Variants in ADARB1 observed in about 807,000 individuals in gnomAD.
ADARB1 encodes double-stranded RNA-specific editase 1.
A neutral mutation model predicts 52.4 loss-of-function variants in ADARB1; 10 were observed. The observed-to-expected ratio is 0.19, with a 90% CI of 0.12 to 0.32. The LOEUF is 0.32. Ranked by LOEUF, ADARB1 falls within the 10% of genes least tolerant of loss-of-function variation. The probability of loss-of-function intolerance (pLI) is 1.00; values close to 1 mark genes in which losing one functional copy is unlikely to be tolerated. For synonymous variants in ADARB1, 349 were observed against 371.1 expected, an observed-to-expected ratio of 0.94 and a Z score of 0.68; for missense variants, 643 against 922.3, an observed-to-expected ratio of 0.70 and a Z score of 3.92.
chr21:45,145,252 CGGGG>C (rs992259722), intron 2 of ADARB1: 1 of 152,358 alleles, frequency 6.6e-6, no homozygotes, highest in South Asian at 2.1e-4. Flanking sequence ...GTTTCCTAGA[CGGGG>C]GGGCACTCGC....
At chr21:45,184,494 G>T (rs1231863608) in intron 7 of ADARB1, 27 of 264,090 alleles carry the variant, frequency 1.0e-4, no homozygotes, top group Non-Finnish European at 8.3e-5. Flanking sequence ...TTACACCCAG[G>T]CTGGAGTGCA....
intron 2 of ADARB1, among the ~76,000 whole-genome samples, chr21:45,148,181 C>T (rs1484574393): frequency 2.0e-5 from 3 of 152,224 alleles, no homozygotes. Flanking sequence ...CTCACCTCCT[C>T]CTTGGTTTTC....
At chr21:45,106,448 T>C (rs2145732008) in intron 1 of ADARB1, among the ~76,000 whole-genome samples, 1 of 152,282 alleles carries the variant, frequency 6.6e-6, no homozygotes, top group South Asian at 2.1e-4. Flanking sequence ...CTAGGCCAAA[T>C]GCTGGGATGC....
At chr21:45,110,670 C>T (rs935089613) in intron 1 of ADARB1, among the ~76,000 whole-genome samples, 6 of 152,098 alleles carry the variant, frequency 3.9e-5, no homozygotes, top group Admixed American at 2.6e-4. Flanking sequence ...GCATTTATGG[C>T]TCTTTAAATA....
chr21:45,154,923 T>C (rs1052011466), intron 2 of ADARB1, among the ~76,000 whole-genome samples: 1 of 152,226 alleles, frequency 6.6e-6, no homozygotes, highest in East Asian at 1.9e-4. Flanking sequence ...TGGCTGCTGC[T>C]GTAGCCTCAT....
At chr21:45,169,937 C>A (rs980885859) in intron 2 of ADARB1, among the ~76,000 whole-genome samples, 30 of 152,252 alleles carry the variant, frequency 2.0e-4, no homozygotes, top group African/African-American at 7.0e-4. Context: ...CCTGGGAGCA[C>A]CCACAGCCTA....
At chr21:45,218,053 T>G (rs950955710) in intron 9 of ADARB1, among the ~76,000 whole-genome samples, 1 of 152,190 alleles carries the variant, frequency 6.6e-6, no homozygotes, top group African/African-American at 2.4e-5. Context: ...TTTCTTGTGC[T>G]TGGGATTCAT....
At chr21:45,191,340 A>G (rs2092275978) in intron 8 of ADARB1, among the ~76,000 whole-genome samples, 2 of 152,156 alleles carry the variant, frequency 1.3e-5, no homozygotes, top group South Asian at 4.1e-4. Context: ...ATGTTACAGC[A>G]CTGTCCATGT....
rs563132813 is a variant in ADARB1, at chr21:45,147,904, C to T, written c.-48+19331C>T. 6.6e-5 allele frequency among the ~76,000 whole-genome samples: 10 copies of T among 152,284 alleles called. No homozygotes were observed. The South Asian group carries it at 1.7e-3, about 25-fold the overall frequency. The stretch of plus-strand genomic sequence containing the variant: ...AGCGGTTCCTGCTTTACCAGCACCA[C>T]TTCTCCTCTGTCACCGAGAGAGAGC... On this transcript the variant is annotated intron_variant, in intron 2 of 10. Coordinates refer to ENST00000348831, the MANE Select transcript of ADARB1 (RefSeq NM_001112.4).
At chr21:45,115,746 A>G (rs1160215791) in intron 1 of ADARB1, among the ~76,000 whole-genome samples, 2 of 152,194 alleles carry the variant, frequency 1.3e-5, no homozygotes, top group Non-Finnish European at 2.9e-5. Context: ...TCTTTCATCT[A>G]TAATGCATGT....
At chr21:45,218,569 C>G (rs2092909609) in intron 9 of ADARB1, among the ~76,000 whole-genome samples, 1 of 152,218 alleles carries the variant, frequency 6.6e-6, no homozygotes, top group African/African-American at 2.4e-5. Context: ...CTGCATGTCT[C>G]TTCCTTCCGG....
Position 45,183,502 on chromosome 21 carries a change from T to G in ADARB1, c.1388T>G (p.Ile463Ser). 6.2e-6 allele frequency: 10 copies of G among 1,612,234 alleles called. No individual in the cohort carries two copies. The highest frequency in any genetic ancestry group is 8.5e-6 in the Non-Finnish European group (10 of 1,179,544). The stretch of plus-strand genomic sequence containing the variant: ...AGAATCTTCTCACCACATGAGCCAA[T>G]CCTGGAAGGTATGAGACGAGATTCT... ...DARIFSPHEP[I>S]LEEPADRHPN... Residue 463 changes from isoleucine (I) to serine (S), a missense_variant, in exon 7 of 11, where the codon ATC becomes AGC. Around this residue, in one of 2 missense-constraint regions of ADARB1, gnomAD observed 263 missense variants for 475.8 expected, o/e 0.55. Transcript: ENST00000348831.
At chr21:45,163,248 T>G (rs532643993) in intron 2 of ADARB1, among the ~76,000 whole-genome samples, 1 of 152,342 alleles carries the variant, frequency 6.6e-6, no homozygotes, top group South Asian at 2.1e-4. Flanking sequence ...CAGTCAAGTT[T>G]AGATGTGTTT....
At chr21:45,102,958 G>A (rs932961134) in intron 1 of ADARB1, among the ~76,000 whole-genome samples, 18 of 152,200 alleles carry the variant, frequency 1.2e-4, no homozygotes, top group Admixed American at 3.9e-4. Flanking sequence ...GGTCAGTCAC[G>A]GTGACAGGGT....
Position 45,183,711 on chromosome 21 carries a change from G to A in ADARB1, c.1396+201G>A, listed in dbSNP as rs117206205. Among the ~76,000 whole-genome samples the A allele has an allele frequency of 4.4e-3, 667 of 152,226 alleles. 7 individuals are homozygous for A. The highest frequency in any genetic ancestry group is 8.0e-3 in the Admixed American group (123 of 15,282). On this transcript the variant is annotated intron_variant, in intron 7 of 10. Coordinates refer to ENST00000348831, the MANE Select transcript of ADARB1 (RefSeq NM_001112.4). ...AAAACTTTAATGAATGAAAAATGCTGATTGTAATTAACCAAGTAATTAGAA... is the reference window on the plus strand; with the variant it reads ...AAAACTTTAATGAATGAAAAATGCTAATTGTAATTAACCAAGTAATTAGAA...
At chr21:45,121,451 C>T (rs2088181175) in intron 1 of ADARB1, among the ~76,000 whole-genome samples, 1 of 152,186 alleles carries the variant, frequency 6.6e-6, no homozygotes, top group African/African-American at 2.4e-5. Flanking sequence ...CCTGGGCATC[C>T]GCTCTCAGCC....
rs954808434 is a variant in ADARB1 at position 45,092,238 on chromosome 21, C to G, written c.-220+17445C>G. ...AGGTCCAGTGCTAGCAGCACATTCC[C>G]TTTCCTTGCCCTGAGCCTGCATGGC... On this transcript the variant is annotated intron_variant, in intron 1 of 10. Coordinates refer to ENST00000348831, the MANE Select transcript of ADARB1 (RefSeq NM_001112.4). Among the ~76,000 whole-genome samples the G allele has an allele frequency of 1.7e-4, 26 of 152,348 alleles. 2 individuals are homozygous for G. The South Asian group carries it at 3.9e-3, about 23-fold the overall frequency.
chr21:45,134,770 C>A (rs755007756), intron 2 of ADARB1: 4 of 533,366 alleles, frequency 7.5e-6, no homozygotes, highest in Non-Finnish European at 1.5e-5. Flanking sequence ...GCATTGAGGA[C>A]CCCCTAGAGG....
At chr21:45,077,770 A>T (rs911518017) in intron 1 of ADARB1, among the ~76,000 whole-genome samples, 1 of 151,168 alleles carries the variant, frequency 6.6e-6, no homozygotes, top group African/African-American at 2.4e-5. Context: ...AAATGGTGTT[A>T]AAAAAAAACC....
Sources: gnomAD v4.1 joint callset for allele counts (sites outside exome capture counted in the v4.1 genomes callset) on GRCh38, gnomAD v4.1.1 for gene constraint, gnomAD v4.1.1 regional missense constraint, MANE v1.5 for transcripts, NCBI Gene and HGNC (gene_info 2026-07-23, HGNC 2026-07-21) for gene names.